SPECC1L: variants seen among roughly 807,000 people sequenced by gnomAD.
The protein encoded by SPECC1L is cytospin-A.
SPECC1L carries 40 observed loss-of-function variants against 116.8 expected under a neutral mutation model. The observed-to-expected ratio is 0.34, with a 90% CI of 0.27 to 0.45. The LOEUF (loss-of-function observed/expected upper bound fraction) is 0.45. Ranked by LOEUF, SPECC1L falls within the 20% of genes least tolerant of loss-of-function variation. SPECC1L has a pLI of 1.00. For synonymous variants in SPECC1L, 504 were observed against 500.6 expected, an observed-to-expected ratio of 1.01 and a Z score of -0.09; for missense variants, 1,110 against 1,373.6, an observed-to-expected ratio of 0.81 and a Z score of 3.03.
intron 4 of SPECC1L, among the ~76,000 whole-genome samples, chr22:24,316,872 T>C (rs1470073120): frequency 1.5e-5 from 2 of 131,486 alleles, no homozygotes; most frequent in African/African-American, 2.8e-5. Context: ...GAGGCGCCCC[T>C]CACCTCCTGG....
intron 16 of SPECC1L, among the ~76,000 whole-genome samples, chr22:24,414,267 G>T (rs1423024975): frequency 6.6e-6 from 1 of 152,226 alleles, no homozygotes; most frequent in Admixed American, 6.5e-5. Flanking sequence ...CCTCCGCCCA[G>T]ACTGGATGAA....
At chr22:24,317,594 G>A (rs1330382861) in intron 4 of SPECC1L, among the ~76,000 whole-genome samples, 1 of 147,470 alleles carries the variant, frequency 6.8e-6, no homozygotes, top group African/African-American at 2.5e-5. Flanking sequence ...GGACGGGGCG[G>A]CTGGCCGGGC....
chr22:24,394,404 C>T (rs148959108), intron 14 of SPECC1L, among the ~76,000 whole-genome samples: 25 of 152,308 alleles, frequency 1.6e-4, no homozygotes, highest in African/African-American at 4.6e-4. Flanking sequence ...ACACTAATCC[C>T]GTTCATGGGG....
chr22:24,348,452 G>T (rs1006617982), intron 11 of SPECC1L, among the ~76,000 whole-genome samples: 1 of 152,176 alleles, frequency 6.6e-6, no homozygotes, highest in Non-Finnish European at 1.5e-5. Flanking sequence ...TAAGCTGGTT[G>T]TGTACACATT....
chr22:24,325,672 A>T (rs1218570580), intron 6 of SPECC1L, among the ~76,000 whole-genome samples: 1 of 152,082 alleles, frequency 6.6e-6, no homozygotes, highest in South Asian at 2.1e-4. Flanking sequence ...CATGAATGAA[A>T]AAAGGTCAAT....
rs1350275306 is a variant in SPECC1L at position 24,313,742 on chromosome 22, C to CTTTTTT, written c.307+289_307+294dup. Among the ~76,000 whole-genome samples the CTTTTTT allele has an allele frequency of 8.7e-4, 113 of 129,958 alleles. 2 individuals carry two copies. Among genetic ancestry groups the CTTTTTT allele is most frequent in the Non-Finnish European group, 1.6e-3 (98 of 60,124 alleles). The allele number at this position is 129,958 out of a possible 152,430, so 85.3% of individuals were successfully genotyped here. A position where few individuals can be genotyped will look rare whatever the true frequency, so the allele number is the denominator to read the frequency against. On this transcript the variant is annotated intron_variant, in intron 4 of 16. Coordinates refer to ENST00000314328, the MANE Select transcript of SPECC1L (RefSeq NM_015330.6). ...TTATTATCTTGGAAAGAGAAGGATT[C>CTTTTTT]TTTTTTTTTTTTTTTTTTGAGACAG... is the stretch of plus-strand genomic sequence containing the variant.
intron 13 of SPECC1L, among the ~76,000 whole-genome samples, chr22:24,368,842 T>C (rs2041821705): frequency 6.6e-6 from 1 of 152,182 alleles, no homozygotes; most frequent in Non-Finnish European, 1.5e-5. Flanking sequence ...CAATGAGGTG[T>C]CACCATGTTG....
intron 14 of SPECC1L, among the ~76,000 whole-genome samples, chr22:24,378,090 G>C (rs1389794342): frequency 3.3e-5 from 5 of 152,200 alleles, no homozygotes; most frequent in African/African-American, 9.6e-5. Flanking sequence ...TTGTTGTTTA[G>C]TGTGGCCACC....
rs187013976 is a variant in SPECC1L, at chr22:24,274,789, T to C, written c.-141-1911T>C. 9.6e-3 allele frequency among the ~76,000 whole-genome samples: 1,462 copies of C among 152,322 alleles called. 28 individuals carry two copies. The highest frequency in any genetic ancestry group is 0.034 in the African/African-American group (1,393 of 41,556). On this transcript the variant is annotated intron_variant, in intron 1 of 16. Transcript: ENST00000314328. ...CCAGTACCTTCGTAATAAGGTCTCC[T>C]TAGCTTGGTATCCAGAACACTTCAA...
At chr22:24,275,744 C>T (rs182453092) in intron 1 of SPECC1L, among the ~76,000 whole-genome samples, 1 of 152,146 alleles carries the variant, frequency 6.6e-6, no homozygotes, top group Non-Finnish European at 1.5e-5. Context: ...GAGACTGAGT[C>T]TCACCCTATC....
At chr22:24,346,181 T>C (rs1374387467) in intron 10 of SPECC1L, among the ~76,000 whole-genome samples, 3 of 152,090 alleles carry the variant, frequency 2.0e-5, no homozygotes, top group Non-Finnish European at 4.4e-5. Context: ...TAATTTTTTG[T>C]ATTTTTAGTT....
intron 3 of SPECC1L, among the ~76,000 whole-genome samples, chr22:24,311,728 C>T (rs2040463585): frequency 6.7e-6 from 1 of 150,346 alleles, no homozygotes; most frequent in Non-Finnish European, 1.5e-5. Flanking sequence ...TCACTTGTAC[C>T]CGGAAGGTGG....
intron 2 of SPECC1L, among the ~76,000 whole-genome samples, chr22:24,287,312 G>A (rs894411252): frequency 6.6e-5 from 10 of 152,196 alleles, no homozygotes; most frequent in South Asian, 6.2e-4. Flanking sequence ...CTGGGACAGT[G>A]AGGCATTATT....
intron 9 of SPECC1L, among the ~76,000 whole-genome samples, chr22:24,336,224 C>A (rs1186454065): frequency 6.6e-6 from 1 of 151,688 alleles, no homozygotes; most frequent in African/African-American, 2.4e-5. Flanking sequence ...GCGCTGCAAT[C>A]CTTTATAGTA....
At chr22:24,368,835 T>C (rs1024887635) in intron 13 of SPECC1L, among the ~76,000 whole-genome samples, 3 of 152,136 alleles carry the variant, frequency 2.0e-5, no homozygotes, top group African/African-American at 7.2e-5. Flanking sequence ...TTATTAGCAA[T>C]GAGGTGTCAC....
At chr22:24,316,246 T>C (rs2040560801) in intron 4 of SPECC1L, among the ~76,000 whole-genome samples, 1 of 152,070 alleles carries the variant, frequency 6.6e-6, no homozygotes, top group South Asian at 2.1e-4. Context: ...TTTTCTTCTT[T>C]TATCTTTCAA....
chr22:24,291,367 G>C (rs1341621804), intron 2 of SPECC1L, among the ~76,000 whole-genome samples: 2 of 152,124 alleles, frequency 1.3e-5, no homozygotes, highest in African/African-American at 2.4e-5. Flanking sequence ...TGCCAGACCT[G>C]GGACTGCAAT....
At chr22:24,378,463 T>C (rs2042008303) in intron 14 of SPECC1L, among the ~76,000 whole-genome samples, 1 of 152,256 alleles carries the variant, frequency 6.6e-6, no homozygotes. Context: ...CAAGAACTTT[T>C]CCTCTGCATT....
chr22:24,402,009 T>G (rs2042485603), intron 14 of SPECC1L, among the ~76,000 whole-genome samples: 2 of 152,108 alleles, frequency 1.3e-5, no homozygotes, highest in Non-Finnish European at 2.9e-5. Context: ...CCGCCTGCCC[T>G]GCCTCCTTCT....
Sources: allele counts gnomAD v4.1 joint callset (sites outside exome capture counted in the v4.1 genomes callset), GRCh38; gene constraint gnomAD v4.1.1; transcripts MANE v1.5; gene names NCBI Gene and HGNC (gene_info 2026-07-23, HGNC 2026-07-21).